Variants in STXBP4 observed in about 807,000 individuals in gnomAD.
STXBP4 encodes syntaxin binding protein 4.
Under a neutral mutation model 76.1 loss-of-function variants are expected in STXBP4, and 55 were observed. The observed-to-expected ratio is 0.72, with a 90% CI of 0.58 to 0.91. STXBP4 has a LOEUF of 0.91. Ranked by LOEUF, STXBP4 falls within the 40% of genes least tolerant of loss-of-function variation. STXBP4 has a pLI of 0.00. For missense variants in STXBP4, 618 were observed against 636.9 expected (o/e 0.97, Z 0.32); for synonymous variants, 201 against 220.2 (o/e 0.91, Z 0.77).
At chr17:55,051,957 A>T (rs1471559670) in intron 12 of STXBP4, among the ~76,000 whole-genome samples, 1 of 152,152 alleles carries the variant, frequency 6.6e-6, no homozygotes, top group South Asian at 2.1e-4. Context: ...CAAGTTTAAA[A>T]TATCAAGTAG....
At chr17:55,150,055 A>T (rs937855124) in intron 17 of STXBP4, among the ~76,000 whole-genome samples, 3 of 152,114 alleles carry the variant, frequency 2.0e-5, no homozygotes, top group Middle Eastern at 3.2e-3. Flanking sequence ...AACCTTTCTG[A>T]GGGTTAATAC....
intron 8 of STXBP4, among the ~76,000 whole-genome samples, chr17:55,025,135 C>T (rs937269351): frequency 4.7e-5 from 7 of 149,740 alleles, no homozygotes; most frequent in South Asian, 4.2e-4. Context: ...AGCGAGACTC[C>T]GTCTCAAAAA....
At chr17:55,087,983 C>T (rs908044518) in intron 16 of STXBP4, among the ~76,000 whole-genome samples, 21 of 152,130 alleles carry the variant, frequency 1.4e-4, no homozygotes, top group Admixed American at 1.4e-3. Flanking sequence ...GGTATTACCT[C>T]TTGCAAGGGT....
chr17:55,008,402 C>A (rs893757319), intron 8 of STXBP4, among the ~76,000 whole-genome samples: 2 of 152,018 alleles, frequency 1.3e-5, no homozygotes, highest in Non-Finnish European at 2.9e-5. Context: ...TTTCTCATTG[C>A]CAATTTGAAT....
intron 10 of STXBP4, among the ~76,000 whole-genome samples, chr17:55,041,317 AC>A (rs2144733180): frequency 6.9e-6 from 1 of 145,694 alleles, no homozygotes; most frequent in Non-Finnish European, 1.5e-5. Context: ...TGCAGCCTTG[AC>A]CTCCCCACCC....
downstream of STXBP4, among the ~76,000 whole-genome samples, chr17:55,177,463 C>T (rs968656974): frequency 2.6e-5 from 4 of 152,122 alleles, no homozygotes; most frequent in African/African-American, 9.7e-5. Context: ...GTCATAATTC[C>T]AAATAACATG....
chr17:55,051,917 C>T (rs889067124), intron 12 of STXBP4, among the ~76,000 whole-genome samples: 12 of 151,998 alleles, frequency 7.9e-5, no homozygotes, highest in African/African-American at 2.9e-4. Flanking sequence ...TTCCTCAACA[C>T]AATGGGGCTA....
chr17:55,073,327 G>C (rs774553260), intron 13 of STXBP4, among the ~76,000 whole-genome samples: 1 of 152,118 alleles, frequency 6.6e-6, no homozygotes, highest in Non-Finnish European at 1.5e-5. Context: ...GTTCAGTTCA[G>C]GTATTAAGTC....
At chr17:55,015,001 T>C (rs765369216) in intron 8 of STXBP4, among the ~76,000 whole-genome samples, 2 of 152,058 alleles carry the variant, frequency 1.3e-5, no homozygotes, top group Non-Finnish European at 2.9e-5. Context: ...TTCAATAGGG[T>C]TTCTAAGTTT....
the STXBP4 span, among the ~76,000 whole-genome samples, chr17:55,209,721 G>A: frequency 7.2e-5 from 11 of 152,302 alleles, no homozygotes; most frequent in Admixed American, 5.2e-4. Context: ...TGATGCTGTG[G>A]ACAACAGGGG....
chr17:55,009,915 C>T (rs1421428496), intron 8 of STXBP4, among the ~76,000 whole-genome samples: 1 of 151,936 alleles, frequency 6.6e-6, no homozygotes, highest in Non-Finnish European at 1.5e-5. Context: ...ATATCAGTAT[C>T]ATCTCAGCTT....
intron 8 of STXBP4, among the ~76,000 whole-genome samples, chr17:55,013,436 G>T (rs2078147531): frequency 6.6e-6 from 1 of 152,124 alleles, no homozygotes; most frequent in Non-Finnish European, 1.5e-5. Context: ...TGCCATACCT[G>T]GGAATCCATA....
Position 55,096,424 on chromosome 17 carries a change from A to AATAT in STXBP4, c.1489+15243_1489+15246dup, listed in dbSNP as rs564910418. ...TATTTTAATTCGAATCATTCAATAA[A>AATAT]ATATACCTCATCTTACCTAATTTTC... On this transcript the variant is annotated intron_variant, in intron 16 of 17. Transcript: ENST00000376352. Among the ~76,000 whole-genome samples the AATAT allele has an allele frequency of 5.3e-4, 81 of 152,286 alleles. No individual in the cohort carries two copies. The East Asian group carries it at 0.014, about 26-fold the overall frequency.
intron 16 of STXBP4, among the ~76,000 whole-genome samples, chr17:55,089,705 T>C (rs957165542): frequency 6.6e-5 from 10 of 152,172 alleles, no homozygotes; most frequent in Non-Finnish European, 1.0e-4. Flanking sequence ...AACTGACATA[T>C]AGATTGACAA....
rs189906389 is a variant in STXBP4, at chr17:55,026,489, C to T, written c.667-4679C>T. Reference sequence around the variant, plus strand: ...AGGAAAATGGAATAAAACCCCGAAACCCTTTGAAAGAAGCAGGAGGCTGCA... The same window carrying T: ...AGGAAAATGGAATAAAACCCCGAAATCCTTTGAAAGAAGCAGGAGGCTGCA... On this transcript the variant is annotated intron_variant, in intron 8 of 17. Coordinates refer to ENST00000376352, the MANE Select transcript of STXBP4 (RefSeq NM_178509.6). 4.4e-3 allele frequency among the ~76,000 whole-genome samples: 669 copies of T among 152,250 alleles called. 5 individuals are homozygous for T. Among genetic ancestry groups the T allele is most frequent in the Admixed American group, 0.013 (203 of 15,300 alleles).
At chr17:55,055,773 CTT>C (rs939140224) in intron 12 of STXBP4, among the ~76,000 whole-genome samples, 5 of 152,238 alleles carry the variant, frequency 3.3e-5, no homozygotes, top group African/African-American at 4.8e-5. Flanking sequence ...CATCTGGTCT[CTT>C]TGCACCATCT....
chr17:55,136,572 T>C (rs184660867), intron 16 of STXBP4, among the ~76,000 whole-genome samples: 35 of 152,170 alleles, frequency 2.3e-4, no homozygotes, highest in African/African-American at 8.2e-4. Flanking sequence ...TGTATTACTA[T>C]GCATTTCTTC....
At chr17:55,073,101 A>G in intron 13 of STXBP4, 25 bp downstream of exon 13, 1 of 1,608,324 alleles carries the variant, frequency 6.2e-7, no homozygotes, top group Non-Finnish European at 8.5e-7. Flanking sequence ...CATCTCTTCC[A>G]GTTACCATGG....
rs142868711 is a variant in STXBP4 at position 55,092,119 on chromosome 17, A to G, written c.1489+10936A>G. On this transcript the variant is annotated intron_variant, in intron 16 of 17. Transcript: ENST00000376352. ...GTGGGAGCTAAGATATGAGGACGCA[A>G]AGACTAAGAATGACACAATGGACTC... Among the ~76,000 whole-genome samples the G allele has an allele frequency of 1.4e-4, 22 of 152,254 alleles. No homozygotes were observed. The East Asian group carries it at 4.3e-3, about 29-fold the overall frequency.
Sources: allele counts gnomAD v4.1 joint callset (sites outside exome capture counted in the v4.1 genomes callset), GRCh38; gene constraint gnomAD v4.1.1; transcripts MANE v1.5; gene names NCBI Gene and HGNC (gene_info 2026-07-23, HGNC 2026-07-21).